The following ERC1 variants were observed in gnomAD, a reference collection of about 807,000 sequenced individuals.
ERC1 encodes ELKS/RAB6-interacting/CAST family member 1, also known as RAB6 interacting protein 2.
ERC1 carries 56 observed loss-of-function variants against 132.0 expected under a neutral mutation model. The ratio of observed to expected loss-of-function variants is 0.42; its 90% CI spans 0.34 to 0.53. The LOEUF (loss-of-function observed/expected upper bound fraction) is 0.53, where lower values mean the gene tolerates loss of function less well. Among genes scored for constraint, ERC1 ranks in the 20% least tolerant of loss-of-function variants. The pLI is 0.03. For synonymous variants in ERC1, 478 were observed against 476.1 expected (o/e 1.00, Z -0.05); for missense variants, 1,202 against 1,349.9 (o/e 0.89, Z 1.72).
At chr12:1,025,794 G>GTTT (rs1172351394) in intron 1 of ERC1, among the ~76,000 whole-genome samples, 54 of 127,580 alleles carry the variant, frequency 4.2e-4, no homozygotes, top group African/African-American at 5.4e-4. Context: ...AAAAAGGAAA[G>GTTT]TTTTTTTTTT....
chr12:1,121,655 CTCTATCTCTATCTCTATCTCTA>C (rs1233107558), intron 7 of ERC1, among the ~76,000 whole-genome samples: 7,980 of 25,814 alleles, frequency 0.31, 1,599 homozygotes, highest in East Asian at 0.44. Flanking sequence ...CTATCTCTAT[CTCTATCTCTATCTCTATCTCTA>C]TCTATCTCTA....
At chr12:1,072,735 C>G (rs1048493530) in intron 2 of ERC1, among the ~76,000 whole-genome samples, 1 of 152,200 alleles carries the variant, frequency 6.6e-6, no homozygotes, top group Non-Finnish European at 1.5e-5. Flanking sequence ...CACTGTCACC[C>G]TGGCTGGAGT....
At chr12:1,424,541 A>G (rs761865205) in intron 17 of ERC1, among the ~76,000 whole-genome samples, 2 of 152,182 alleles carry the variant, frequency 1.3e-5, no homozygotes, top group South Asian at 4.1e-4. Context: ...GGAAAAAAGC[A>G]AAAAAGAGTA....
intron 16 of ERC1, chr12:1,380,210 C>T (rs898432125): frequency 2.6e-5 from 4 of 152,334 alleles, no homozygotes; most frequent in Middle Eastern, 6.8e-3. Context: ...AAGTTCCATT[C>T]TCTTTCACTC....
chr12:1,419,767 A>G (rs1426146379), intron 17 of ERC1, among the ~76,000 whole-genome samples: 1 of 151,960 alleles, frequency 6.6e-6, no homozygotes, highest in Non-Finnish European at 1.5e-5. Flanking sequence ...TAAACTGTGC[A>G]CTTCAAATGG....
At chr12:1,176,922 G>T (rs777064654) in intron 8 of ERC1, among the ~76,000 whole-genome samples, 2 of 152,226 alleles carry the variant, frequency 1.3e-5, no homozygotes, top group Non-Finnish European at 2.9e-5. Context: ...TTCATTGTTT[G>T]TTGTAGCCAT....
At chr12:1,163,177 C>T (rs1412430911) in intron 8 of ERC1, among the ~76,000 whole-genome samples, 1 of 152,094 alleles carries the variant, frequency 6.6e-6, no homozygotes, top group Admixed American at 6.6e-5. Flanking sequence ...TGTATGTCAA[C>T]AGGTTTCTGG....
At chr12:1,070,440 A>T (rs983430409) in intron 2 of ERC1, among the ~76,000 whole-genome samples, 3 of 151,688 alleles carry the variant, frequency 2.0e-5, no homozygotes, top group African/African-American at 7.3e-5. Flanking sequence ...GATGCATGCC[A>T]CTGTGCCCAG....
chr12:1,060,400 C>T (rs1202122344), intron 2 of ERC1, among the ~76,000 whole-genome samples: 1 of 148,040 alleles, frequency 6.8e-6, no homozygotes, highest in Non-Finnish European at 1.5e-5. Context: ...TTGTTCAATT[C>T]CCATCTATGA....
chr12:1,421,732 A>G (rs2092437343), intron 17 of ERC1, among the ~76,000 whole-genome samples: 1 of 152,030 alleles, frequency 6.6e-6, no homozygotes, highest in East Asian at 1.9e-4. Flanking sequence ...TAAGCTAGGG[A>G]ACGGGCTGCG....
At chr12:1,425,480 G>A (rs1268760755) in intron 17 of ERC1, among the ~76,000 whole-genome samples, 2 of 152,198 alleles carry the variant, frequency 1.3e-5, no homozygotes, top group Non-Finnish European at 2.9e-5. Flanking sequence ...AGACATGCCA[G>A]TTGTCTGTAC....
intron 15 of ERC1, among the ~76,000 whole-genome samples, chr12:1,351,642 C>T (rs938326207): frequency 1.3e-5 from 2 of 152,002 alleles, no homozygotes; most frequent in Admixed American, 6.6e-5. Flanking sequence ...GCATTTTCTT[C>T]CTTTTATCTT....
intron 8 of ERC1, among the ~76,000 whole-genome samples, chr12:1,145,847 G>A (rs1053933034): frequency 1.1e-4 from 17 of 152,200 alleles, no homozygotes; most frequent in African/African-American, 2.4e-4. Flanking sequence ...CCTGCTTTAT[G>A]TTTTTGTTTA....
At chr12:1,347,838 C>T (rs546643627) in intron 15 of ERC1, among the ~76,000 whole-genome samples, 27 of 152,222 alleles carry the variant, frequency 1.8e-4, no homozygotes, top group African/African-American at 6.3e-4. Flanking sequence ...CAAAAATTAG[C>T]CAGGGGTGGT....
At chr12:1,168,919 C>T (rs1446762663) in intron 8 of ERC1, among the ~76,000 whole-genome samples, 1 of 152,114 alleles carries the variant, frequency 6.6e-6, no homozygotes, top group African/African-American at 2.4e-5. Flanking sequence ...GTGCATAGTT[C>T]ATTTGTGTGA....
At position 1,012,451 on chromosome 12, in the gene ERC1, C is replaced by T. The variant is rs1015495452; in HGVS notation, c.-156-15297C>T. On this transcript the variant is annotated intron_variant, in intron 1 of 18. Coordinates refer to ENST00000360905, the MANE Select transcript of ERC1 (RefSeq NM_178040.4). ...GATTATAAATGTCTGTATTTACCAACAGTGATGTGGATATTTAATCTTTTT... is the reference window on the plus strand; with the variant it reads ...GATTATAAATGTCTGTATTTACCAATAGTGATGTGGATATTTAATCTTTTT... Among the ~76,000 whole-genome samples the T allele has an allele frequency of 2.7e-5, 4 of 149,732 alleles. No homozygotes were observed. In the South Asian group the frequency reaches 8.4e-4, roughly 32 times the overall value.
intron 16 of ERC1, among the ~76,000 whole-genome samples, chr12:1,386,248 A>G (rs1299543459): frequency 6.7e-6 from 1 of 149,938 alleles, no homozygotes; most frequent in African/African-American, 2.4e-5. Context: ...CATATTGGCC[A>G]GGCTGGTCTC....
chr12:1,079,989 A>T (rs939551732), intron 2 of ERC1, among the ~76,000 whole-genome samples: 5 of 152,248 alleles, frequency 3.3e-5, no homozygotes, highest in African/African-American at 1.2e-4. Context: ...TCCATCTTTG[A>T]GAGTTCCCAA....
intron 2 of ERC1, among the ~76,000 whole-genome samples, chr12:1,076,380 A>ATTT (rs139225685): frequency 4.3e-5 from 6 of 140,880 alleles, no homozygotes; most frequent in Non-Finnish European, 9.2e-5. Context: ...TGTAGAACTG[A>ATTT]TTTTTTTTTT....
Sources: gnomAD v4.1 joint callset for allele counts (sites outside exome capture counted in the v4.1 genomes callset) on GRCh38, gnomAD v4.1.1 for gene constraint, MANE v1.5 for transcripts, NCBI Gene and HGNC (gene_info 2026-07-23, HGNC 2026-07-21) for gene names.